The following ARHGAP6 variants were observed in gnomAD, a reference collection of about 807,000 sequenced individuals.
ARHGAP6 encodes the protein rho GTPase-activating protein 6.
In ARHGAP6, 16 loss-of-function variants were observed where a neutral mutation model predicts 55.7. That is an observed-to-expected ratio of 0.29 (90% CI 0.19 to 0.44). The LOEUF (loss-of-function observed/expected upper bound fraction) is 0.44. Among genes scored for constraint, ARHGAP6 ranks in the 20% least tolerant of loss-of-function variants. The pLI, the probability that ARHGAP6 is intolerant of heterozygous loss-of-function variation, is 1.00. For synonymous variants in ARHGAP6, 382 were observed against 360.9 expected, an observed-to-expected ratio of 1.06 and a Z score of -0.66; for missense variants, 698 against 808.9, an observed-to-expected ratio of 0.86 and a Z score of 1.66.
intron 1 of ARHGAP6, among the ~76,000 whole-genome samples, chrX:11,663,687 C>T (rs2052724083): frequency 9.0e-6 from 1 of 111,617 alleles, no homozygotes; most frequent in South Asian, 3.8e-4. Context: ...AACTAATACT[C>T]AGTACCATAG....
chrX:11,296,680 A>T, intron 1 of ARHGAP6: 1 of 966,902 alleles, frequency 1.0e-6, no homozygotes, highest in Non-Finnish European at 1.5e-6. Context: ...CTTTAATGTG[A>T]ACAATTGCAT....
chrX:11,428,056 T>G (rs1221439030), intron 1 of ARHGAP6, among the ~76,000 whole-genome samples: 3 of 112,662 alleles, frequency 2.7e-5, no homozygotes, highest in African/African-American at 9.7e-5. Flanking sequence ...CCCCGGCTGC[T>G]GAGGCGGGGA....
At chrX:11,532,219 C>T (rs188404996) in intron 1 of ARHGAP6, among the ~76,000 whole-genome samples, 23 of 112,576 alleles carry the variant, frequency 2.0e-4, no homozygotes, top group Admixed American at 6.6e-4. Context: ...TTTATACATA[C>T]GTACCGAGTT....
chrX:11,373,794 T>C (rs1271711903), intron 1 of ARHGAP6, among the ~76,000 whole-genome samples: 1 of 111,894 alleles, frequency 8.9e-6, no homozygotes, highest in African/African-American at 3.3e-5. Flanking sequence ...TTTATCTCCT[T>C]TGGAGTGGGA....
chrX:11,640,198 A>G (rs901537147), intron 1 of ARHGAP6, among the ~76,000 whole-genome samples: 5 of 111,426 alleles, frequency 4.5e-5, no homozygotes, highest in African/African-American at 1.6e-4. Flanking sequence ...TCCACTCCCT[A>G]CTTCACCCTC....
chrX:11,472,899 C>T (rs1218178457), intron 1 of ARHGAP6, among the ~76,000 whole-genome samples: 2 of 110,808 alleles, frequency 1.8e-5, no homozygotes, highest in Non-Finnish European at 3.8e-5. Context: ...CCACCCCTGC[C>T]TCCAACTAGG....
chrX:11,370,490 C>T (rs927624103), intron 1 of ARHGAP6, among the ~76,000 whole-genome samples: 2 of 111,589 alleles, frequency 1.8e-5, no homozygotes, highest in Admixed American at 9.5e-5. Context: ...TAATGTAGGA[C>T]CCATGTTCTT....
chrX:11,211,600 G>GTGGCGCAATCTCAGCTCAC (rs1346625490), intron 2 of ARHGAP6, among the ~76,000 whole-genome samples: 1 of 103,461 alleles, frequency 9.7e-6, no homozygotes, highest in Non-Finnish European at 2.0e-5. Context: ...CTGGAGTGCA[G>GTGGCGCAATCTCAGCTCAC]TGGCGCAATC....
intron 10 of ARHGAP6, among the ~76,000 whole-genome samples, chrX:11,153,172 G>A (rs987344915): frequency 8.1e-5 from 9 of 111,569 alleles, no homozygotes; most frequent in Admixed American, 6.7e-4. Flanking sequence ...CTACCTCCCC[G>A]AGTCCTACTG....
At chrX:11,629,628 C>CACATT (rs2052338723) in intron 1 of ARHGAP6, among the ~76,000 whole-genome samples, 1 of 110,077 alleles carries the variant, frequency 9.1e-6, no homozygotes, top group Non-Finnish European at 1.9e-5. Flanking sequence ...ACAAAGGAAG[C>CACATT]ATTCCATTAT....
intron 1 of ARHGAP6, among the ~76,000 whole-genome samples, chrX:11,593,700 G>C (rs1235494175): frequency 1.8e-5 from 2 of 111,574 alleles, no homozygotes; most frequent in African/African-American, 6.5e-5. Context: ...GGGATGTATG[G>C]GAACTCTGCA....
chrX:11,176,232 CATATATATATATATAT>C (rs746195419), intron 8 of ARHGAP6, among the ~76,000 whole-genome samples: 3 of 23,917 alleles, frequency 1.3e-4, no homozygotes, highest in South Asian at 4.4e-3. Flanking sequence ...AGAGGATTTG[CATATATATATATATAT>C]ATATATATAT....
chrX:11,332,797 A>C (rs970342479), intron 1 of ARHGAP6, among the ~76,000 whole-genome samples: 5 of 112,119 alleles, frequency 4.5e-5, no homozygotes, highest in African/African-American at 1.3e-4. Context: ...TTTGTGTGTG[A>C]ATGTGTGTAT....
chrX:11,522,202 A>C lies in ARHGAP6; in HGVS notation c.588+142039T>G, dbSNP rs776599398. On this transcript the variant is annotated intron_variant, in intron 1 of 12. Transcript: ENST00000337414. ...TTGAAACCAACGAGAACAAAGACAC[A>C]ACATAGCGGAATCTCTGGGACACAT... 2.8e-3 allele frequency among the ~76,000 whole-genome samples: 308 copies of C among 111,892 alleles called. 1 individual carries two copies. The highest frequency in any genetic ancestry group is 0.018 in the Middle Eastern group (4 of 217).
rs770590107 is a variant in ARHGAP6, at chrX:11,639,737, A to G, written c.588+24504T>C. ...TAAGAGAGATGGGGGATTGAGAAAGATTGAAAGAAAAAGAGAGATTGAAAG... is the reference window on the plus strand; with the variant it reads ...TAAGAGAGATGGGGGATTGAGAAAGGTTGAAAGAAAAAGAGAGATTGAAAG... On this transcript the variant is annotated intron_variant, in intron 1 of 12. Coordinates refer to ENST00000337414, the MANE Select transcript of ARHGAP6 (RefSeq NM_013427.3). Among the ~76,000 whole-genome samples, 3 of 110,718 alleles carry G rather than the reference A, an allele frequency of 2.7e-5. No individual in the cohort carries two copies. In the East Asian group the frequency reaches 8.5e-4, roughly 31 times the overall value.
chrX:11,385,346 A>G (rs1472103040), intron 1 of ARHGAP6, among the ~76,000 whole-genome samples: 3 of 111,999 alleles, frequency 2.7e-5, no homozygotes, highest in African/African-American at 9.7e-5. Context: ...TGCTGGTACT[A>G]ATAATGATGA....
At chrX:11,656,588 G>A (rs1294270114) in intron 1 of ARHGAP6, among the ~76,000 whole-genome samples, 2 of 111,362 alleles carry the variant, frequency 1.8e-5, no homozygotes, top group Admixed American at 1.9e-4. Context: ...CATCTTCAAA[G>A]CCAGAAGTGT....
At chrX:11,469,528 A>T (rs1364982965) in intron 1 of ARHGAP6, among the ~76,000 whole-genome samples, 2 of 111,515 alleles carry the variant, frequency 1.8e-5, no homozygotes, top group African/African-American at 6.5e-5. Context: ...TTTTACTTGA[A>T]ATCTCTTGCA....
At chrX:11,173,027 A>C (rs150900482) in intron 8 of ARHGAP6, among the ~76,000 whole-genome samples, 3,781 of 111,961 alleles carry the variant, frequency 0.034, 146 homozygotes, top group African/African-American at 0.11. Flanking sequence ...TATAAGCTTA[A>C]GAAACAGCTG....
Sources: gnomAD v4.1 joint callset for allele counts (sites outside exome capture counted in the v4.1 genomes callset) on GRCh38, gnomAD v4.1.1 for gene constraint, MANE v1.5 for transcripts, NCBI Gene and HGNC (gene_info 2026-07-23, HGNC 2026-07-21) for gene names.